Variants in LRFN5 observed in about 807,000 individuals in gnomAD.
The protein encoded by LRFN5 is leucine-rich repeat and fibronectin type-III domain-containing protein 5.
LRFN5 carries 24 observed loss-of-function variants against 45.6 expected under a neutral mutation model. The ratio of observed to expected loss-of-function variants is 0.53; its 90% confidence interval spans 0.38 to 0.74. LRFN5 has a LOEUF of 0.74. LRFN5 is among the 30% of genes least tolerant of loss of function. The pLI is 0.00. For missense variants in LRFN5, 776 were observed against 861.5 expected (o/e 0.90, Z 1.24); for synonymous variants, 340 against 313.8 (o/e 1.08, Z -0.88).
At chr14:41,877,351 C>T (rs1422704546) in intron 2 of LRFN5, among the ~76,000 whole-genome samples, 1 of 152,038 alleles carries the variant, frequency 6.6e-6, no homozygotes, top group Non-Finnish European at 1.5e-5. Flanking sequence ...TTTATGCAGG[C>T]TTCACCTCAG....
At chr14:41,811,384 A>G (rs1887730266) in intron 2 of LRFN5, among the ~76,000 whole-genome samples, 1 of 152,100 alleles carries the variant, frequency 6.6e-6, no homozygotes, top group Non-Finnish European at 1.5e-5. Flanking sequence ...TCTTAAATAT[A>G]TGACTAGATA....
At chr14:41,746,020 G>A (rs1430058159) in intron 1 of LRFN5, among the ~76,000 whole-genome samples, 1 of 151,968 alleles carries the variant, frequency 6.6e-6, no homozygotes, top group Admixed American at 6.6e-5. Flanking sequence ...CCATTACCCT[G>A]GTAGCAAAGT....
chr14:41,843,787 A>T (rs1212085911), intron 2 of LRFN5, among the ~76,000 whole-genome samples: 1 of 152,356 alleles, frequency 6.6e-6, no homozygotes, highest in East Asian at 1.9e-4. Context: ...CTTCATGAGC[A>T]TGGATTTTAC....
intron 1 of LRFN5, among the ~76,000 whole-genome samples, chr14:41,632,932 GA>G (rs1190342780): frequency 6.6e-6 from 1 of 152,030 alleles, no homozygotes; most frequent in East Asian, 1.9e-4. Flanking sequence ...ATTATGAATT[GA>G]TACCCCATTT....
intron 1 of LRFN5, among the ~76,000 whole-genome samples, chr14:41,667,809 C>T (rs941356904): frequency 3.3e-5 from 5 of 152,130 alleles, no homozygotes; most frequent in African/African-American, 1.2e-4. Context: ...TGCTGAATCA[C>T]ACTGACAACT....
At chr14:41,820,874 T>C (rs1030907962) in intron 2 of LRFN5, among the ~76,000 whole-genome samples, 2 of 152,050 alleles carry the variant, frequency 1.3e-5, no homozygotes, top group Admixed American at 6.6e-5. Context: ...TTTTTGTAGC[T>C]ATTATAAATG....
chr14:41,690,473 C>G (rs1013126432), intron 1 of LRFN5, among the ~76,000 whole-genome samples: 2 of 152,048 alleles, frequency 1.3e-5, no homozygotes, highest in Non-Finnish European at 2.9e-5. Flanking sequence ...AAATCACTTG[C>G]GCCCTTGGGA....
chr14:41,751,714 C>G (rs531450452), intron 1 of LRFN5, among the ~76,000 whole-genome samples: 1 of 152,184 alleles, frequency 6.6e-6, no homozygotes, highest in East Asian at 1.9e-4. Flanking sequence ...TAGCATCAGA[C>G]AGAATCCTTA....
chr14:41,666,348 A>G (rs900786610), intron 1 of LRFN5, among the ~76,000 whole-genome samples: 2 of 152,046 alleles, frequency 1.3e-5, no homozygotes, highest in Non-Finnish European at 2.9e-5. Flanking sequence ...AATTACTAGT[A>G]TTATCCCCAT....
At chr14:41,754,022 CAT>C (rs1335841722) in intron 1 of LRFN5, among the ~76,000 whole-genome samples, 1 of 152,132 alleles carries the variant, frequency 6.6e-6, no homozygotes, top group Non-Finnish European at 1.5e-5. Flanking sequence ...TTGAGATAAA[CAT>C]GTGGTTTCTG....
chr14:41,853,823 G>C (rs375936509), intron 2 of LRFN5, among the ~76,000 whole-genome samples: 2 of 152,244 alleles, frequency 1.3e-5, no homozygotes, highest in African/African-American at 4.8e-5. Context: ...GCAATGTTTA[G>C]ATACCAGCTA....
At chr14:41,674,306 G>T (rs1343597672) in intron 1 of LRFN5, among the ~76,000 whole-genome samples, 1 of 133,164 alleles carries the variant, frequency 7.5e-6, no homozygotes, top group South Asian at 2.5e-4. Flanking sequence ...CCTCCCGGAC[G>T]GGGCGGCTGG....
chr14:41,685,189 CTGT>C (rs1882067321), intron 1 of LRFN5, among the ~76,000 whole-genome samples: 1 of 152,070 alleles, frequency 6.6e-6, no homozygotes, highest in Admixed American at 6.6e-5. Context: ...CCTCCATATG[CTGT>C]TGTTGGGAAG....
chr14:41,752,457 CT>C (rs1417253294), intron 1 of LRFN5, among the ~76,000 whole-genome samples: 2 of 152,154 alleles, frequency 1.3e-5, no homozygotes, highest in Non-Finnish European at 2.9e-5. Flanking sequence ...GATTGCCATT[CT>C]AACTGGTGTG....
intron 2 of LRFN5, among the ~76,000 whole-genome samples, chr14:41,880,458 A>AT (rs1325824012): frequency 6.6e-6 from 1 of 152,016 alleles, no homozygotes; most frequent in East Asian, 1.9e-4. Flanking sequence ...CAAATACACT[A>AT]TTTTTTATAC....
intron 1 of LRFN5, among the ~76,000 whole-genome samples, chr14:41,622,057 A>C (rs558354351): frequency 4.9e-4 from 74 of 152,052 alleles, no homozygotes; most frequent in Admixed American, 1.5e-3. Flanking sequence ...CTTGGTTGGG[A>C]AGAATCAATG....
intron 2 of LRFN5, among the ~76,000 whole-genome samples, chr14:41,852,274 C>CT (rs1179259768): frequency 1.4e-4 from 21 of 151,756 alleles, no homozygotes; most frequent in Non-Finnish European, 2.4e-4. Context: ...ATCTATACTT[C>CT]TTTTTTTGCA....
intron 1 of LRFN5, among the ~76,000 whole-genome samples, chr14:41,640,450 G>A (rs1879524050): frequency 6.6e-6 from 1 of 152,024 alleles, no homozygotes. Context: ...AGCAAACTGA[G>A]GATGCATTTC....
At chr14:41,712,885 A>G (rs1044572716) in intron 1 of LRFN5, among the ~76,000 whole-genome samples, 1 of 152,132 alleles carries the variant, frequency 6.6e-6, no homozygotes, top group Admixed American at 6.6e-5. Flanking sequence ...CAATGTATAG[A>G]TATATCACAG....
Sources: gnomAD v4.1 joint callset for allele counts (sites outside exome capture counted in the v4.1 genomes callset) on GRCh38, gnomAD v4.1.1 for gene constraint, MANE v1.5 for transcripts, NCBI Gene and HGNC (gene_info 2026-07-23, HGNC 2026-07-21) for gene names.